GRAMD2A: variants seen among roughly 807,000 people sequenced by gnomAD.
GRAMD2A encodes the protein GRAM domain-containing protein 2A.
GRAMD2A carries 37 observed loss-of-function variants against 51.1 expected under a neutral mutation model. That is an observed-to-expected ratio of 0.72 (90% CI 0.56 to 0.95). GRAMD2A has a LOEUF of 0.95. Among genes scored for constraint, GRAMD2A ranks in the 40% least tolerant of loss-of-function variants. The probability of loss-of-function intolerance (pLI) is 0.00; values close to 1 mark genes in which losing one functional copy is unlikely to be tolerated. For missense variants in GRAMD2A, 414 were observed against 426.9 expected (o/e 0.97, Z 0.27); for synonymous variants, 136 against 157.1 (o/e 0.87, Z 1.01).
At chr15:72,181,488 C>T (rs2081697057) in intron 1 of GRAMD2A, among the ~76,000 whole-genome samples, 1 of 152,140 alleles carries the variant, frequency 6.6e-6, no homozygotes, top group African/African-American at 2.4e-5. Context: ...CACAATTTTC[C>T]ATGGAGAGAG....
chr15:72,175,256 TGCTG>T (rs1303622946), intron 1 of GRAMD2A, among the ~76,000 whole-genome samples: 7 of 152,144 alleles, frequency 4.6e-5, no homozygotes, highest in Non-Finnish European at 4.4e-5. Context: ...TTTTCCCAGA[TGCTG>T]GCAACAGCTC....
Position 72,162,375 on chromosome 15 carries a change from A to G in GRAMD2A, c.959T>C (p.Ile320Thr), listed in dbSNP as rs1160169154. 1.9e-6 allele frequency: 3 copies of G among 1,609,604 alleles called. No homozygotes were observed. Among genetic ancestry groups the G allele is most frequent in the African/African-American group, 1.3e-5 (1 of 74,852 alleles). Reference protein sequence around the residue: ...YRLLKVFFVLICFLVMSSSYL... With the variant: ...YRLLKVFFVLTCFLVMSSSYL... ...GGATGAGGACATGACCAGGAAGCAG[A>G]TCCTGAAGAAAGCGGCAATACGGAG... Residue 320 changes from isoleucine (I) to threonine (T), a missense_variant and splice_region_variant, in exon 11 of 12, where the codon ATC becomes ACC. Transcript: ENST00000309731.
chr15:72,163,219 C>T (rs1158661697), intron 10 of GRAMD2A, 47 bp downstream of exon 10: 1 of 1,324,758 alleles, frequency 7.5e-7, no homozygotes, highest in South Asian at 1.2e-5. Flanking sequence ...TTCCAAGCAC[C>T]TAGACATGCA....
At position 72,167,826 on chromosome 15, in the gene GRAMD2A, G is replaced by A; in HGVS notation, c.282C>T (p.Ala94=). 6.2e-7 allele frequency: 1 copy of A among 1,613,470 alleles called. No individual in the cohort carries two copies. The highest frequency in any genetic ancestry group is 8.5e-7 in the Non-Finnish European group (1 of 1,179,430). Reference sequence around the variant, plus strand: ...CCTGGAGGAGGAAGTCCCTCTGGAGGGCACAGGAACACACTAGGATGTCAC... The same window carrying A: ...CCTGGAGGAGGAAGTCCCTCTGGAGAGCACAGGAACACACTAGGATGTCAC... The part of the protein sequence containing the change: ...EEVVLKVCSC[A]LQRDFLLQGR... The change falls in exon 5 of 12, where the codon GCC becomes GCT. Residue 94 remains alanine (A), a synonymous_variant. Transcript: ENST00000309731.
At chr15:72,172,920 G>A (rs191206049) in intron 1 of GRAMD2A, among the ~76,000 whole-genome samples, 1 of 152,244 alleles carries the variant, frequency 6.6e-6, no homozygotes, top group East Asian at 1.9e-4. Context: ...ACAGGCCTGG[G>A]GGGAGTAGAT....
intron 8 of GRAMD2A, among the ~76,000 whole-genome samples, chr15:72,165,019 AT>A (rs1166533759): frequency 2.0e-5 from 3 of 152,324 alleles, no homozygotes; most frequent in Non-Finnish European, 4.4e-5. Context: ...AGTGCCTGTA[AT>A]CCCAGCTACT....
chr15:72,163,763 G>A lies in GRAMD2A; in HGVS notation c.601-6C>T. 1.2e-6 allele frequency: 2 copies of A among 1,608,846 alleles called. No homozygotes were observed. The highest frequency in any genetic ancestry group is 1.7e-6 in the Non-Finnish European group (2 of 1,178,630). On this transcript the variant is annotated splice_polypyrimidine_tract_variant and splice_region_variant and intron_variant, in intron 8 of 11. Coordinates refer to ENST00000309731, the MANE Select transcript of GRAMD2A (RefSeq NM_001012642.3). ...ATCTCAGGGATGAGGACTTCCTGCA[G>A]TAAGACAGGAGAAGCTATCTTACCA...
rs1160711814 is a variant in GRAMD2A, at chr15:72,170,521, C to T, written c.42-582G>A. 2.6e-5 allele frequency: 11 copies of T among 422,318 alleles called. No individual in the cohort carries two copies. The East Asian group carries it at 7.8e-4, about 30-fold the overall frequency. 26.2% of individuals were successfully genotyped at this position (422,318 alleles called of 1,614,324 possible). On this transcript the variant is annotated intron_variant, in intron 1 of 11. Coordinates refer to ENST00000309731, the MANE Select transcript of GRAMD2A (RefSeq NM_001012642.3). The surrounding 1 kb of genome is among the most constrained non-coding windows in gnomAD (Gnocchi z 4.5). Reference sequence around the variant, plus strand: ...AGGAAGTGGCCTCAGCCACCTTGGACAGTCAGGACAGCTTGATGATGAGAG... The same window carrying T: ...AGGAAGTGGCCTCAGCCACCTTGGATAGTCAGGACAGCTTGATGATGAGAG...
Position 72,161,149 on chromosome 15 carries a change from T to A in GRAMD2A, c.*860A>T, listed in dbSNP as rs949331984. 4 of 152,326 alleles carry A rather than the reference T, an allele frequency of 2.6e-5. No homozygotes were observed. Among genetic ancestry groups the A allele is most frequent in the Admixed American group, 6.5e-5 (1 of 15,278 alleles). 9.4% of individuals were successfully genotyped at this position (152,326 alleles called of 1,614,324 possible). ...TCCAAGCCTCCACCCTTCCCTTCCC[T>A]ATTTCCAGGGCTTGGGACACCTTAG... On this transcript the variant is annotated 3_prime_UTR_variant, in exon 12 of 12. Coordinates refer to ENST00000309731, the MANE Select transcript of GRAMD2A (RefSeq NM_001012642.3).
intron 4 of GRAMD2A, 49 bp downstream of exon 4, chr15:72,168,442 G>T: frequency 7.1e-7 from 1 of 1,399,944 alleles, no homozygotes; most frequent in Non-Finnish European, 1.0e-6. Context: ...GAGGCCCCTG[G>T]CCCCAGGCAC....
Position 72,172,123 on chromosome 15 carries a change from G to A in GRAMD2A, c.42-2184C>T, listed in dbSNP as rs148563696. ...TTACAGGCATGAGCCACCACGCCCG[G>A]CCTTTTTTTTTTTGAGACAGGGTTT... On this transcript the variant is annotated intron_variant, in intron 1 of 11. Transcript: ENST00000309731. 7.6e-3 allele frequency among the ~76,000 whole-genome samples: 1,145 copies of A among 150,558 alleles called. 9 individuals are homozygous for A. The highest frequency in any genetic ancestry group is 0.014 in the Middle Eastern group (4 of 288).
At chr15:72,162,787 C>A in intron 10 of GRAMD2A, 1 of 212,628 alleles carries the variant, frequency 4.7e-6, no homozygotes. Context: ...CCCGGCCAGC[C>A]GAGCCAGAGG....
chr15:72,182,430 T>C (rs1477139383), intron 1 of GRAMD2A, among the ~76,000 whole-genome samples: 2 of 147,256 alleles, frequency 1.4e-5, no homozygotes, highest in Non-Finnish European at 3.0e-5. Context: ...AAAACATAAG[T>C]GTAAATCTTT....
intron 1 of GRAMD2A, among the ~76,000 whole-genome samples, chr15:72,177,749 A>G (rs1184979708): frequency 6.6e-6 from 1 of 152,082 alleles, no homozygotes. Context: ...TCTTTTTGAG[A>G]CAGAGTCTCA....
rs996553236 is a variant in GRAMD2A at position 72,167,961 on chromosome 15, C to T, written c.269-122G>A. 12 of 705,292 alleles carry T rather than the reference C, an allele frequency of 1.7e-5. No individual in the cohort carries two copies. The Middle Eastern group carries it at 7.3e-4, about 43-fold the overall frequency. The allele number at this position is 705,292 out of a possible 1,614,324, so 43.7% of individuals were successfully genotyped here. On this transcript the variant is annotated intron_variant, in intron 4 of 11. Transcript: ENST00000309731. The stretch of plus-strand genomic sequence containing the variant: ...CAGGACCTGTCTTCCTCAGACTCCC[C>T]CTTCCCCACCGCAGGCCCCAAACCC...
At chr15:72,196,325 G>A (rs886620885) in intron 1 of GRAMD2A, among the ~76,000 whole-genome samples, 1 of 152,074 alleles carries the variant, frequency 6.6e-6, no homozygotes, top group African/African-American at 2.4e-5. Flanking sequence ...AGACCAGCCT[G>A]GCCAACATGG....
intron 1 of GRAMD2A, among the ~76,000 whole-genome samples, chr15:72,195,319 C>T (rs559387723): frequency 2.8e-4 from 43 of 152,306 alleles, no homozygotes; most frequent in African/African-American, 9.9e-4. Flanking sequence ...CGCAGCAAAA[C>T]AGGAACAGCC....
chr15:72,184,067 G>T (rs2081717590), intron 1 of GRAMD2A, among the ~76,000 whole-genome samples: 1 of 152,240 alleles, frequency 6.6e-6, no homozygotes, highest in South Asian at 2.1e-4. Context: ...CGGAGATACT[G>T]GGAACGGATA....
At chr15:72,177,673 C>T (rs562449146) in intron 1 of GRAMD2A, among the ~76,000 whole-genome samples, 62 of 152,312 alleles carry the variant, frequency 4.1e-4, no homozygotes, top group African/African-American at 1.4e-3. Flanking sequence ...TATTCACTTC[C>T]GTGGGTAAAC....
Sources: gnomAD v4.1 joint callset for allele counts (sites outside exome capture counted in the v4.1 genomes callset) on GRCh38, gnomAD v4.1.1 for gene constraint, Gnocchi (gnomAD v3.1) non-coding constraint, MANE v1.5 for transcripts, NCBI Gene and HGNC (gene_info 2026-07-23, HGNC 2026-07-21) for gene names.